PGC: variants seen among roughly 807,000 people sequenced by gnomAD.
PGC encodes the protein gastricsin.
A neutral mutation model predicts 45.9 loss-of-function variants in PGC; 31 were observed. The ratio of observed to expected loss-of-function variants is 0.67; its 90% CI spans 0.51 to 0.91. The LOEUF (loss-of-function observed/expected upper bound fraction) is 0.91, where lower values mean the gene tolerates loss of function less well. Ranked by LOEUF, PGC falls within the 40% of genes least tolerant of loss-of-function variation. The pLI, the probability that PGC is intolerant of heterozygous loss-of-function variation, is 0.00. For missense variants in PGC, 477 were observed against 493.2 expected (o/e 0.97, Z 0.31); for synonymous variants, 192 against 201.8 (o/e 0.95, Z 0.41).
chr6:41,740,535 C>T lies in PGC; in HGVS notation c.723G>A (p.Trp241Ter). 1.2e-6 allele frequency: 2 copies of T among 1,611,096 alleles called. No homozygotes were observed. The highest frequency in any genetic ancestry group is 1.7e-6 in the Non-Finnish European group (2 of 1,178,554). The change falls in exon 6 of 9, where the codon TGG becomes TGA. Residue 241 changes from tryptophan (W) to a stop codon, truncating the protein, a stop_gained. Transcript: ENST00000373025. LOFTEE classifies it high-confidence loss of function. ...AGTAGAGTTCCTGGGTGACAGGCGC[C>T]CAGTAGATCTGCCCCGTGTACAGGC... is the stretch of plus-strand genomic sequence containing the variant. ...DSSLYTGQIYWAPVTQELYWQ... is the reference protein window; with the variant it reads ...DSSLYTGQIY
At chr6:41,738,157 C>CATATATATGCATATATATATACAT (rs1561879662) in intron 7 of PGC, among the ~76,000 whole-genome samples, 5 of 27,784 alleles carry the variant, frequency 1.8e-4, no homozygotes, top group Admixed American at 7.3e-4. Flanking sequence ...TATATATATA[C>CATATATATGCATATATATATACAT]ATATATATGC....
At chr6:41,741,273 AG>A (rs1561881214) in intron 5 of PGC, 9 of 1,415,652 alleles carry the variant, frequency 6.4e-6, no homozygotes, top group Non-Finnish European at 1.9e-6. Flanking sequence ...AGAGGAAGTT[AG>A]CAACATTAGT....
chr6:41,743,898 A>G (rs1409198236), intron 3 of PGC, among the ~76,000 whole-genome samples: 1 of 152,224 alleles, frequency 6.6e-6, no homozygotes, highest in Non-Finnish European at 1.5e-5. Context: ...AGCAGGGACC[A>G]AGGCAACCTT....
rs1476490717 is a variant in PGC at position 41,744,904 on chromosome 6, C to T, written c.60-96G>A. On this transcript the variant is annotated intron_variant, in intron 1 of 8. Transcript: ENST00000373025. This position sits in a 1 kb window ranked among gnomAD's most constrained non-coding sequence, Gnocchi z 4.4. Reference sequence around the variant, plus strand: ...TCCTTCTCTTAACTGCATGCTTCAACCTCCCTGCCACTCTGTTTGTTCCCC... The same window carrying T: ...TCCTTCTCTTAACTGCATGCTTCAATCTCCCTGCCACTCTGTTTGTTCCCC... The T allele has an allele frequency of 4.7e-6, 5 of 1,068,508 alleles. No homozygotes were observed. Among genetic ancestry groups the T allele is most frequent in the Admixed American group, 4.2e-5 (2 of 47,092 alleles). 66.2% of individuals were successfully genotyped at this position (1,068,508 alleles called of 1,614,324 possible).
intron 7 of PGC, among the ~76,000 whole-genome samples, chr6:41,738,226 G>GCATA (rs1771748655): frequency 3.4e-5 from 2 of 58,378 alleles, no homozygotes; most frequent in Non-Finnish European, 6.2e-5. Flanking sequence ...ATATATATAT[G>GCATA]CATATATATA....
At chr6:41,745,278 A>G (rs1436283557) in intron 1 of PGC, among the ~76,000 whole-genome samples, 1 of 150,876 alleles carries the variant, frequency 6.6e-6, no homozygotes, top group Non-Finnish European at 1.5e-5. Flanking sequence ...CACTTTTGTC[A>G]CCCAGGCTAG....
chr6:41,743,227 C>T lies in PGC; in HGVS notation c.447+44G>A, dbSNP rs529479645. 6.0e-6 allele frequency: 7 copies of T among 1,176,134 alleles called. 1 individual carries two copies. In the South Asian group the frequency reaches 8.5e-5, roughly 14 times the overall value. 72.9% of individuals were successfully genotyped at this position (1,176,134 alleles called of 1,614,324 possible). A position where few individuals can be genotyped will look rare whatever the true frequency, so the allele number is the denominator to read the frequency against. On this transcript the variant is annotated intron_variant, in intron 4 of 8. Coordinates refer to ENST00000373025, the MANE Select transcript of PGC (RefSeq NM_002630.4). ...GAGTCCATCTAACTGTCCCCTCCAG[C>T]TTATAGCTCACAGCCCCAGCCTCCA...
At chr6:41,739,161 T>C (rs1162363169) in intron 7 of PGC, among the ~76,000 whole-genome samples, 4 of 152,180 alleles carry the variant, frequency 2.6e-5, no homozygotes, top group African/African-American at 9.7e-5. Context: ...TCAGCCCTGG[T>C]TGCTCACATA....
intron 5 of PGC, chr6:41,740,899 G>C: frequency 6.9e-7 from 1 of 1,448,288 alleles, no homozygotes; most frequent in Non-Finnish European, 9.0e-7. Context: ...GTATCCCTTA[G>C]ATTGGGGCTC....
At position 41,744,663 on chromosome 6, in the gene PGC, T is replaced by TGTAG. The variant is rs1177723968; in HGVS notation, c.201_204dup (p.Met69LeufsTer9). 1 of 1,614,076 alleles carries TGTAG rather than the reference T, an allele frequency of 6.2e-7. No homozygotes were observed. ...CAGAAAGGGTCAGGACTCACATCCA[T>TGTAG]GTAGGCCATGGGCTCGTAGGTCACG... is the stretch of plus-strand genomic sequence containing the variant. On this transcript the variant is annotated frameshift_variant, in exon 2 of 9. Coordinates refer to ENST00000373025, the MANE Select transcript of PGC (RefSeq NM_002630.4). LOFTEE classifies it high-confidence loss of function. This position sits in a 1 kb window ranked among gnomAD's most constrained non-coding sequence, Gnocchi z 4.4.
In PGC at chr6:41,743,402, C is replaced by T. The variant is rs376500640; in HGVS notation, c.329-13G>A. 17 of 1,561,096 alleles carry T rather than the reference C, an allele frequency of 1.1e-5. No homozygotes were observed. Among genetic ancestry groups the T allele is most frequent in the Non-Finnish European group, 1.3e-5 (15 of 1,132,066 alleles). On this transcript the variant is annotated splice_polypyrimidine_tract_variant and intron_variant, in intron 3 of 8. Coordinates refer to ENST00000373025, the MANE Select transcript of PGC (RefSeq NM_002630.4). ...CGGGAGTGACTGGCTGCAGGGGAGTCAGGGCATGGGGAGTCAGGCCGGCTG... is the reference window on the plus strand; with the variant it reads ...CGGGAGTGACTGGCTGCAGGGGAGTTAGGGCATGGGGAGTCAGGCCGGCTG...
chr6:41,739,533 C>T (rs1771783808), intron 7 of PGC, among the ~76,000 whole-genome samples: 1 of 152,142 alleles, frequency 6.6e-6, no homozygotes, highest in South Asian at 2.1e-4. Flanking sequence ...ATCCTCTCAC[C>T]TCAGCCTACC....
At chr6:41,743,245 A>G (rs1352507492) in intron 4 of PGC, 26 bp downstream of exon 4, 3 of 1,354,838 alleles carry the variant, frequency 2.2e-6, no homozygotes, top group African/African-American at 2.9e-5. Flanking sequence ...TCACAGCCCC[A>G]GCCTCCACTC....
At chr6:41,740,697 G>T in intron 5 of PGC, 87 bp from the exon 6 acceptor site, 1 of 1,501,596 alleles carries the variant, frequency 6.7e-7, no homozygotes, top group East Asian at 2.3e-5. Flanking sequence ...GGGAAACAGA[G>T]CTCCTTCCCT....
rs1209940673 is a variant in PGC, at chr6:41,742,636, G to C, written c.448-147C>G. The C allele has an allele frequency of 4.5e-6, 3 of 668,664 alleles. No homozygotes were observed. In the African/African-American group the frequency reaches 5.4e-5, roughly 12 times the overall value. The allele number at this position is 668,664 out of a possible 1,614,324, so 41.4% of individuals were successfully genotyped here. A position where few individuals can be genotyped will look rare whatever the true frequency, so the allele number is the denominator to read the frequency against. On this transcript the variant is annotated intron_variant, in intron 4 of 8. Transcript: ENST00000373025. ...TTTTGGTTTTCTTGTTTGTTTGTTTGCTTGTTTGAGACAGAGTCTCGCCCT... is the reference window on the plus strand; with the variant it reads ...TTTTGGTTTTCTTGTTTGTTTGTTTCCTTGTTTGAGACAGAGTCTCGCCCT...
intron 5 of PGC, chr6:41,741,937 C>T: frequency 1.0e-6 from 1 of 965,638 alleles, no homozygotes; most frequent in Non-Finnish European, 1.6e-6. Context: ...AGTGAGCGAA[C>T]TGCCCCACCC....
At chr6:41,741,070 C>G (rs1345550833) in intron 5 of PGC, 1 of 1,537,088 alleles carries the variant, frequency 6.5e-7, no homozygotes, top group Non-Finnish European at 8.7e-7. Context: ...CTTCCTGCCT[C>G]TGGTAGACAT....
rs147031652 is a variant in PGC, at chr6:41,739,922, G to A, written c.792C>T (p.Ser264=). The part of the protein sequence containing the change: ...IEEFLIGGQA[S]GWCSEGCQAI... ...CCTGGCAACCCTCAGAACACCAGCC[G>A]GAGGCCTGGCCGCCGATGAGGAACC... Residue 264 remains serine (S), a synonymous_variant, in exon 7 of 9, where the codon TCC becomes TCT. Transcript: ENST00000373025. 9.0e-5 allele frequency: 146 copies of A among 1,614,018 alleles called. 2 individuals carry two copies. The African/African-American group carries it at 1.7e-3, about 19-fold the overall frequency.
At chr6:41,742,685 C>T (rs766877522) in intron 4 of PGC, among the ~76,000 whole-genome samples, 196 bp from the exon 5 acceptor site, 10 of 152,206 alleles carry the variant, frequency 6.6e-5, no homozygotes, top group Non-Finnish European at 1.0e-4. Flanking sequence ...AATGCAGTGG[C>T]GCAATCTCAG....
Sources: allele counts gnomAD v4.1 joint callset (sites outside exome capture counted in the v4.1 genomes callset), GRCh38; gene constraint gnomAD v4.1.1; non-coding constraint Gnocchi (gnomAD v3.1); transcripts MANE v1.5; gene names NCBI Gene and HGNC (gene_info 2026-07-23, HGNC 2026-07-21).